Variants in BTBD9 observed in about 807,000 individuals in gnomAD.
The protein encoded by BTBD9 is BTB/POZ domain-containing protein 9.
Under a neutral mutation model 64.3 loss-of-function variants are expected in BTBD9, and 49 were observed. The observed-to-expected ratio is 0.76, with a 90% CI of 0.61 to 0.97. The LOEUF (loss-of-function observed/expected upper bound fraction) is 0.97. Among genes scored for constraint, BTBD9 ranks in the 50% least tolerant of loss-of-function variants. The probability of loss-of-function intolerance (pLI) is 0.00; values close to 1 mark genes in which losing one functional copy is unlikely to be tolerated. For missense variants in BTBD9, 598 were observed against 762.1 expected (o/e 0.78, Z 2.53); for synonymous variants, 260 against 274.7 (o/e 0.95, Z 0.53).
At chr6:38,411,360 G>A (rs1204760418) in intron 6 of BTBD9, among the ~76,000 whole-genome samples, 2 of 152,162 alleles carry the variant, frequency 1.3e-5, no homozygotes, top group Non-Finnish European at 2.9e-5. Context: ...CTGCTCAGTG[G>A]TGTGGAGTAG....
chr6:38,302,123 T>C (rs956551347), intron 7 of BTBD9, among the ~76,000 whole-genome samples: 4 of 152,194 alleles, frequency 2.6e-5, no homozygotes, highest in Non-Finnish European at 5.9e-5. Flanking sequence ...CATTTCTTTG[T>C]AGTGAAACAT....
intron 6 of BTBD9, among the ~76,000 whole-genome samples, chr6:38,508,258 T>C (rs1258419919): frequency 6.6e-6 from 1 of 152,184 alleles, no homozygotes; most frequent in African/African-American, 2.4e-5. Flanking sequence ...AAAGTGACTT[T>C]ATCACCTTCC....
intron 6 of BTBD9, among the ~76,000 whole-genome samples, chr6:38,512,962 T>TA (rs1772840256): frequency 6.6e-6 from 1 of 152,158 alleles, no homozygotes; most frequent in African/African-American, 2.4e-5. Context: ...AAGAAGCTAG[T>TA]AAAAAAGCTA....
At chr6:38,336,469 CAGA>C (rs1350993147) in intron 7 of BTBD9, among the ~76,000 whole-genome samples, 1 of 152,106 alleles carries the variant, frequency 6.6e-6, no homozygotes, top group African/African-American at 2.4e-5. Flanking sequence ...CTTCACATGG[CAGA>C]AGGAGGGAGA....
intron 9 of BTBD9, among the ~76,000 whole-genome samples, chr6:38,230,016 A>AG (rs1483647451): frequency 6.6e-6 from 1 of 152,184 alleles, no homozygotes; most frequent in Non-Finnish European, 1.5e-5. Context: ...CCTGACCGCC[A>AG]GTCCATTCTA....
intron 9 of BTBD9, among the ~76,000 whole-genome samples, chr6:38,215,711 A>G (rs1762989548): frequency 6.6e-6 from 1 of 152,196 alleles, no homozygotes; most frequent in South Asian, 2.1e-4. Flanking sequence ...CATCAGAATC[A>G]CACTGGTGTC....
chr6:38,584,292 C>CA (rs1396714214), intron 4 of BTBD9, among the ~76,000 whole-genome samples: 8 of 152,204 alleles, frequency 5.3e-5, no homozygotes, highest in African/African-American at 1.2e-4. Flanking sequence ...CATGCCACTG[C>CA]ACTCCAGCCT....
At chr6:38,553,955 G>A (rs1206232815) in intron 6 of BTBD9, among the ~76,000 whole-genome samples, 1 of 152,006 alleles carries the variant, frequency 6.6e-6, no homozygotes, top group Non-Finnish European at 1.5e-5. Flanking sequence ...ACACATGAAA[G>A]ACATTAAACA....
chr6:38,337,540 T>C (rs1763941246), intron 7 of BTBD9, among the ~76,000 whole-genome samples: 1 of 152,224 alleles, frequency 6.6e-6, no homozygotes, highest in African/African-American at 2.4e-5. Flanking sequence ...TGAAGCCTTA[T>C]CTTACTAGGC....
chr6:38,456,529 T>C (rs1769817489), intron 6 of BTBD9, among the ~76,000 whole-genome samples: 1 of 152,252 alleles, frequency 6.6e-6, no homozygotes, highest in Non-Finnish European at 1.5e-5. Flanking sequence ...AATAAAGTCA[T>C]TCTATTAGCT....
At chr6:38,402,688 A>G (rs1766986006) in intron 6 of BTBD9, 1 of 625,398 alleles carries the variant, frequency 1.6e-6, no homozygotes, top group African/African-American at 1.9e-5. Context: ...AGACCTAAAC[A>G]TAAGAGTCAA....
chr6:38,594,189 C>T lies in BTBD9; in HGVS notation c.324G>A (p.Glu108=). 2 of 1,614,176 alleles carry T rather than the reference C, an allele frequency of 1.2e-6. No individual in the cohort carries two copies. The highest frequency in any genetic ancestry group is 1.7e-6 in the Non-Finnish European group (2 of 1,180,032). ...GRATLTDEKE[E]VLLDFLSLAH... ...CCAGGCTCAAAAAGTCCAGCAGCAC[C>T]TCCTCCTTCTCATCTGTCAGCGTTG... The change falls in exon 3 of 11, where the codon GAG becomes GAA. Residue 108 remains glutamate (E), a synonymous_variant. Transcript: ENST00000481247.
chr6:38,351,169 A>G (rs554349094), intron 6 of BTBD9, among the ~76,000 whole-genome samples: 9 of 152,314 alleles, frequency 5.9e-5, no homozygotes, highest in African/African-American at 2.2e-4. Context: ...GGAGCTATAG[A>G]TTCTCTTGTA....
At chr6:38,563,780 T>TC (rs1225088987) in intron 6 of BTBD9, among the ~76,000 whole-genome samples, 1 of 145,228 alleles carries the variant, frequency 6.9e-6, no homozygotes, top group Non-Finnish European at 1.5e-5. Context: ...ATCTAACTTT[T>TC]TTTTTTTTTT....
At chr6:38,546,238 G>A (rs1353468257) in intron 6 of BTBD9, among the ~76,000 whole-genome samples, 1 of 152,152 alleles carries the variant, frequency 6.6e-6, no homozygotes, top group East Asian at 1.9e-4. Context: ...GCTGGAGATG[G>A]ATCTACAAGG....
intron 6 of BTBD9, among the ~76,000 whole-genome samples, chr6:38,521,361 T>C (rs1446512626): frequency 1.3e-5 from 2 of 152,216 alleles, no homozygotes; most frequent in Non-Finnish European, 2.9e-5. Flanking sequence ...ATGTTAACCA[T>C]CATTGTTACC....
intron 9 of BTBD9, among the ~76,000 whole-genome samples, chr6:38,237,383 G>C (rs1395777220): frequency 2.0e-5 from 3 of 152,198 alleles, no homozygotes; most frequent in Non-Finnish European, 4.4e-5. Context: ...TGTAAGGTCA[G>C]TTCAAACAAC....
intron 6 of BTBD9, among the ~76,000 whole-genome samples, chr6:38,407,003 T>C (rs1767199700): frequency 6.6e-6 from 1 of 152,180 alleles, no homozygotes; most frequent in Non-Finnish European, 1.5e-5. Flanking sequence ...GAGTTCAAAT[T>C]CCTTGTTCTG....
At chr6:38,451,939 A>AT (rs1352580848) in intron 6 of BTBD9, among the ~76,000 whole-genome samples, 5 of 152,140 alleles carry the variant, frequency 3.3e-5, no homozygotes, top group Non-Finnish European at 7.4e-5. Context: ...AGAACTACAA[A>AT]TTTTTTAAAG....
Sources: gnomAD v4.1 joint callset for allele counts (sites outside exome capture counted in the v4.1 genomes callset) on GRCh38, gnomAD v4.1.1 for gene constraint, MANE v1.5 for transcripts, NCBI Gene and HGNC (gene_info 2026-07-23, HGNC 2026-07-21) for gene names.